Variants in SLC15A2 observed in about 807,000 individuals in gnomAD.
SLC15A2 encodes the protein solute carrier family 15 member 2.
In SLC15A2, 77 loss-of-function variants were observed where a neutral mutation model predicts 95.5. The ratio of observed to expected loss-of-function variants is 0.81; its 90% confidence interval spans 0.67 to 0.97. The LOEUF (loss-of-function observed/expected upper bound fraction) is 0.97, where lower values mean the gene tolerates loss of function less well. SLC15A2 is among the 50% of genes least tolerant of loss of function. The pLI is 0.00. For missense variants in SLC15A2, 893 were observed against 874.4 expected (o/e 1.02, Z -0.27); for synonymous variants, 306 against 306.9 (o/e 1.00, Z 0.03).
At chr3:121,928,875 G>C in intron 15 of SLC15A2, 107 bp from the exon 16 acceptor site, 2 of 1,206,000 alleles carry the variant, frequency 1.7e-6, no homozygotes, top group South Asian at 3.1e-5. Context: ...GGAATTACTA[G>C]GTTGAAAGTG....
chr3:121,939,801 A>G (rs1310284108), intron 20 of SLC15A2, among the ~76,000 whole-genome samples: 2 of 151,980 alleles, frequency 1.3e-5, no homozygotes, highest in East Asian at 3.9e-4. Context: ...GTAAATTACT[A>G]TCTCTGTAAT....
rs1334853107 is a variant in SLC15A2 at position 121,925,725 on chromosome 3, ACTAT to A, written c.1124+693_1124+696del. Among the ~76,000 whole-genome samples, 41 of 56,336 alleles carry A rather than the reference ACTAT, an allele frequency of 7.3e-4. 6 individuals carry two copies. Among genetic ancestry groups the A allele is most frequent in the East Asian group, 1.4e-3 (2 of 1,476 alleles). 37.0% of individuals were successfully genotyped at this position (56,336 alleles called of 152,430 possible). On this transcript the variant is annotated intron_variant, in intron 13 of 21. Coordinates refer to ENST00000489711, the MANE Select transcript of SLC15A2 (RefSeq NM_021082.4). Reference sequence around the variant, plus strand: ...GTTTATTACTTAGTAAAGGGGCTAGACTATATATATATATATATATATATATATA... The same window carrying A: ...GTTTATTACTTAGTAAAGGGGCTAGAATATATATATATATATATATATATA...
intron 4 of SLC15A2, among the ~76,000 whole-genome samples, chr3:121,911,897 TAATC>T (rs1709775534): frequency 6.6e-6 from 1 of 152,172 alleles, no homozygotes; most frequent in Non-Finnish European, 1.5e-5. Context: ...TGCTTGAAAA[TAATC>T]AAAACCTTCA....
chr3:121,924,935 G>C lies in SLC15A2; in HGVS notation c.1036-10G>C. 1 of 1,579,398 alleles carries C rather than the reference G, an allele frequency of 6.3e-7. No homozygotes were observed. The highest frequency in any genetic ancestry group is 1.1e-5 in the South Asian group (1 of 90,576). Reference sequence around the variant, plus strand: ...ATTTGTAGCTAATCCTTTTTATCATGGTGTTACAGGTTCTAAATCCCCTTC... The same window carrying C: ...ATTTGTAGCTAATCCTTTTTATCATCGTGTTACAGGTTCTAAATCCCCTTC... On this transcript the variant is annotated splice_polypyrimidine_tract_variant and intron_variant, in intron 12 of 21. Coordinates refer to ENST00000489711, the MANE Select transcript of SLC15A2 (RefSeq NM_021082.4).
intron 5 of SLC15A2, chr3:121,914,876 C>CAAAAAA (rs1220813579): frequency 3.4e-6 from 1 of 295,294 alleles, no homozygotes; most frequent in African/African-American, 2.6e-5. Context: ...AAAAAAAAAA[C>CAAAAAA]CACAAACACA....
intron 7 of SLC15A2, among the ~76,000 whole-genome samples, chr3:121,916,391 C>T (rs1490003286): frequency 6.6e-6 from 1 of 152,144 alleles, no homozygotes; most frequent in Non-Finnish European, 1.5e-5. Context: ...CTGTTCTCCA[C>T]TCTGAGCCTC....
chr3:121,898,624 GT>G (rs1709465658), intron 3 of SLC15A2, among the ~76,000 whole-genome samples: 1 of 152,196 alleles, frequency 6.6e-6, no homozygotes, highest in Non-Finnish European at 1.5e-5. Context: ...GGTCAAACAA[GT>G]TTGGAAACTG....
intron 11 of SLC15A2, 46 bp from the exon 12 acceptor site, chr3:121,924,305 T>TC: frequency 6.4e-7 from 1 of 1,556,494 alleles, no homozygotes; most frequent in Non-Finnish European, 8.8e-7. Flanking sequence ...CATTTTTTTT[T>TC]CTTTTCTTCA....
chr3:121,923,137 T>G lies in SLC15A2; in HGVS notation c.957+8T>G. ...GCTCTTTTGGATCAGCAGGTAAGAA[T>G]AGTTCTTTTGGACATTACCGCTCCT... On this transcript the variant is annotated splice_region_variant and intron_variant, in intron 10 of 21. Transcript: ENST00000489711. 1 of 1,613,762 alleles carries G rather than the reference T, an allele frequency of 6.2e-7. No individual in the cohort carries two copies. Among genetic ancestry groups the G allele is most frequent in the Non-Finnish European group, 8.5e-7 (1 of 1,179,720 alleles).
chr3:121,932,335 C>T (rs937733866), intron 19 of SLC15A2, among the ~76,000 whole-genome samples: 5 of 152,202 alleles, frequency 3.3e-5, no homozygotes, highest in Admixed American at 3.3e-4. Context: ...CCACAGCTTG[C>T]TCCAGTCTTT....
At chr3:121,939,880 G>A (rs1388131425) in intron 20 of SLC15A2, among the ~76,000 whole-genome samples, 1 of 151,932 alleles carries the variant, frequency 6.6e-6, no homozygotes, top group Non-Finnish European at 1.5e-5. Flanking sequence ...GCGACAGAGC[G>A]AGACTCCATC....
chr3:121,934,007 T>C (rs1453326949), intron 19 of SLC15A2, among the ~76,000 whole-genome samples: 5 of 151,966 alleles, frequency 3.3e-5, no homozygotes, highest in Admixed American at 1.3e-4. Flanking sequence ...CAGCACCATT[T>C]ATTAAATAGG....
At chr3:121,926,793 A>C (rs1039503873) in intron 13 of SLC15A2, among the ~76,000 whole-genome samples, 8 of 152,354 alleles carry the variant, frequency 5.3e-5, no homozygotes, top group African/African-American at 1.7e-4. Flanking sequence ...GGCACTCAAC[A>C]ACCTGTGAGA....
chr3:121,915,025 C>T lies in SLC15A2; in HGVS notation c.529-202C>T, dbSNP rs1709857376. 4 of 1,355,362 alleles carry T rather than the reference C, an allele frequency of 3.0e-6. No homozygotes were observed. The Admixed American group carries it at 1.0e-4, about 35-fold the overall frequency. The allele number at this position is 1,355,362 out of a possible 1,614,324, so 84.0% of individuals were successfully genotyped here. A position where few individuals can be genotyped will look rare whatever the true frequency, so the allele number is the denominator to read the frequency against. On this transcript the variant is annotated intron_variant, in intron 5 of 21. Coordinates refer to ENST00000489711, the MANE Select transcript of SLC15A2 (RefSeq NM_021082.4). ...AGGGAGGAAAAGAATGCTAAAGCTG[C>T]TCTGGAGTTTGAAAGGTGAGTAAAT...
intron 19 of SLC15A2, among the ~76,000 whole-genome samples, chr3:121,938,736 C>G (rs1256855015): frequency 6.6e-6 from 1 of 152,244 alleles, no homozygotes; most frequent in Admixed American, 6.5e-5. Context: ...CTGCATTGCT[C>G]ACGCTGGGAA....
intron 14 of SLC15A2, among the ~76,000 whole-genome samples, chr3:121,928,072 C>T (rs1710156951): frequency 1.3e-5 from 2 of 152,212 alleles, no homozygotes. Context: ...TTCTCAAACA[C>T]TAATATCCAA....
chr3:121,898,176 A>AT (rs1553732272), intron 3 of SLC15A2, among the ~76,000 whole-genome samples: 3 of 151,108 alleles, frequency 2.0e-5, no homozygotes, highest in African/African-American at 4.9e-5. Context: ...AAAAAAAAAA[A>AT]TTGAAATTTT....
Position 121,923,122 on chromosome 3 carries a change from A to G in SLC15A2, c.950A>G (p.Asp317Gly). The G allele has an allele frequency of 6.2e-7, 1 of 1,613,912 alleles. No individual in the cohort carries two copies. The change falls in exon 10 of 22, where the codon GAT becomes GGT. Residue 317 changes from aspartate to glycine, a missense_variant. By Grantham distance (94) the Asp-to-Gly change is moderately conservative (BLOSUM62 -1). Coordinates refer to ENST00000489711, the MANE Select transcript of SLC15A2 (RefSeq NM_021082.4). ...TTGCCCATGTTCTGGGCTCTTTTGG[A>G]TCAGCAGGTAAGAATAGTTCTTTTG... ...IPLPMFWALL[D>G]QQGSRWTLQA...
intron 5 of SLC15A2, among the ~76,000 whole-genome samples, chr3:121,913,874 C>T (rs540484998): frequency 5.0e-4 from 76 of 152,174 alleles, no homozygotes; most frequent in Admixed American, 1.5e-3. Flanking sequence ...TCCATTCTCT[C>T]TTCTATAACT....
Sources: gnomAD v4.1 joint callset for allele counts (sites outside exome capture counted in the v4.1 genomes callset) on GRCh38, gnomAD v4.1.1 for gene constraint, MANE v1.5 for transcripts, NCBI Gene and HGNC (gene_info 2026-07-23, HGNC 2026-07-21) for gene names.